ZBTB34: variants seen among roughly 807,000 people sequenced by gnomAD.
ZBTB34 encodes zinc finger and BTB domain containing 34.
In ZBTB34, 1 loss-of-function variant was observed where a neutral mutation model predicts 33.4. The observed-to-expected ratio is 0.03, with a 90% confidence interval of 0.01 to 0.14. The LOEUF (loss-of-function observed/expected upper bound fraction) is 0.14. Among genes scored for constraint, ZBTB34 ranks in the 10% least tolerant of loss-of-function variants. The pLI, the probability that ZBTB34 is intolerant of heterozygous loss-of-function variation, is 1.00. For missense variants in ZBTB34, 406 were observed against 657.2 expected (o/e 0.62, Z 4.18); for synonymous variants, 283 against 253.5 (o/e 1.12, Z -1.11).
At chr9:126,871,585 C>T (rs1222022235) in intron 1 of ZBTB34, among the ~76,000 whole-genome samples, 1 of 151,890 alleles carries the variant, frequency 6.6e-6, no homozygotes, top group Non-Finnish European at 1.5e-5. Flanking sequence ...CCACCTCGGC[C>T]TCCCAAAGTG....
At chr9:126,873,479 G>C (rs2033308416) in intron 1 of ZBTB34, among the ~76,000 whole-genome samples, 1 of 152,026 alleles carries the variant, frequency 6.6e-6, no homozygotes. Context: ...GGCCAGGCTG[G>C]TCTCGAACTC....
chr9:126,860,811 G>C (rs1479894878), intron 1 of ZBTB34, 72 bp downstream of exon 1: 1 of 147,456 alleles, frequency 6.8e-6, no homozygotes. Flanking sequence ...AGGCGGGGCG[G>C]GGGGCAGTCC....
intron 1 of ZBTB34, among the ~76,000 whole-genome samples, chr9:126,877,609 C>T (rs1004693402): frequency 2.6e-5 from 4 of 152,158 alleles, no homozygotes; most frequent in African/African-American, 7.2e-5. Flanking sequence ...GGAAGGAAAC[C>T]TGTTGTAGGT....
chr9:126,863,254 TAAAATCC>T (rs1434010160), intron 1 of ZBTB34, among the ~76,000 whole-genome samples: 4 of 152,212 alleles, frequency 2.6e-5, no homozygotes, highest in Non-Finnish European at 5.9e-5. Flanking sequence ...TGGAGGATAA[TAAAATCC>T]AATGAACTGT....
intron 1 of ZBTB34, among the ~76,000 whole-genome samples, chr9:126,878,726 G>GTTT (rs1316065576): frequency 7.5e-6 from 1 of 133,748 alleles, no homozygotes; most frequent in Admixed American, 7.5e-5. Context: ...TTTTTGTTTT[G>GTTT]TTTTTTTTTT....
In ZBTB34 at chr9:126,880,238, G is replaced by A. The variant is rs528442669; in HGVS notation, c.839G>A (p.Gly280Asp). The A allele has an allele frequency of 6.2e-7, 1 of 1,613,912 alleles. No individual in the cohort carries two copies. Among genetic ancestry groups the A allele is most frequent in the South Asian group, 1.1e-5 (1 of 91,078 alleles). The stretch of plus-strand genomic sequence containing the variant: ...GTGGCAGTGAATGTGGGCTCCTATG[G>A]TTCTGTGCTCCAGCACGCATACTCC... Residue 280 changes from glycine (G) to aspartate (D), a missense_variant, in exon 2 of 2, where the codon GGT (glycine) becomes GAT (aspartate). Coordinates refer to ENST00000319119, the Ensembl canonical transcript of ZBTB34. This position sits in a 1 kb window ranked among gnomAD's most constrained non-coding sequence, Gnocchi z 6.7.
At chr9:126,866,057 A>G (rs1486916170) in intron 1 of ZBTB34, among the ~76,000 whole-genome samples, 1 of 152,126 alleles carries the variant, frequency 6.6e-6, no homozygotes, top group African/African-American at 2.4e-5. Flanking sequence ...TACCCCCTTC[A>G]TCAGGTGCTG....
In ZBTB34 at chr9:126,879,934, A is replaced by G. The variant is rs2033411828; in HGVS notation, c.535A>G (p.Thr179Ala). 6.2e-7 allele frequency: 1 copy of G among 1,613,154 alleles called. No homozygotes were observed. The highest frequency in any genetic ancestry group is 8.5e-7 in the Non-Finnish European group (1 of 1,179,886). Residue 179 changes from threonine to alanine, a missense_variant, in exon 2 of 2, where the codon ACC becomes GCC. By Grantham distance (58) the Thr-to-Ala change is moderately conservative. This residue lies in a region of ZBTB34 where 137 missense variants were observed against 173.0 expected (regional missense o/e 0.79). Transcript: ENST00000319119. This position sits in a 1 kb window ranked among gnomAD's most constrained non-coding sequence, Gnocchi z 6.4. Reference sequence around the variant, plus strand: ...ATATTGCTCTCAGGGACGGCAGCCCACCGCAAGCAGTGACCTCCGGATGGA... The same window carrying G: ...ATATTGCTCTCAGGGACGGCAGCCCGCCGCAAGCAGTGACCTCCGGATGGA...
At chr9:126,881,134 C>CA (rs143680464) in exon 2 of ZBTB34, 97 of 552,094 alleles carry the variant, frequency 1.8e-4, no homozygotes, top group African/African-American at 1.6e-3. Flanking sequence ...CCAGGGAAAA[C>CA]ACAGGCTGAC....
At chr9:126,884,885 C>T (rs938024697) in exon 2 of ZBTB34, 1 of 167,036 alleles carries the variant, frequency 6.0e-6, no homozygotes, top group Non-Finnish European at 1.5e-5. Flanking sequence ...TCCTGTGAAG[C>T]CTCCACTGAA....
At chr9:126,876,602 A>G (rs1332669544) in intron 1 of ZBTB34, among the ~76,000 whole-genome samples, 1 of 152,120 alleles carries the variant, frequency 6.6e-6, no homozygotes, top group East Asian at 1.9e-4. Flanking sequence ...ATTTATTTAG[A>G]TGAAGTAGAC....
exon 2 of ZBTB34, chr9:126,883,062 C>T (rs967898822): frequency 6.0e-6 from 1 of 166,972 alleles, no homozygotes; most frequent in African/African-American, 2.4e-5. Context: ...CCCTGAAGCA[C>T]TTGTTCAACT....
At position 126,880,954 on chromosome 9, in the gene ZBTB34, A is replaced by G. The variant is rs765012557; in HGVS notation, c.*40A>G. On this transcript the variant is annotated 3_prime_UTR_variant, in exon 2 of 2. Transcript: ENST00000319119. The surrounding 1 kb of genome is among the most constrained non-coding windows in gnomAD (Gnocchi z 6.7). ...GCACCCAAACAAAGCACATTAATCAATGCATATTTGTGATTTGCTTTGTTG... is the reference window on the plus strand; with the variant it reads ...GCACCCAAACAAAGCACATTAATCAGTGCATATTTGTGATTTGCTTTGTTG... 40 of 1,548,142 alleles carry G rather than the reference A, an allele frequency of 2.6e-5. No individual in the cohort carries two copies. Among genetic ancestry groups the G allele is most frequent in the Non-Finnish European group, 3.1e-5 (35 of 1,143,784 alleles).
chr9:126,885,238 T>TCACAGAGAA (rs1318505438), exon 2 of ZBTB34: 1 of 167,086 alleles, frequency 6.0e-6, no homozygotes, highest in African/African-American at 2.4e-5. Context: ...CTGGTTTCCT[T>TCACAGAGAA]CCTGAGTCTG....
intron 1 of ZBTB34, among the ~76,000 whole-genome samples, chr9:126,872,030 T>C (rs543519954): frequency 2.6e-5 from 4 of 151,892 alleles, no homozygotes; most frequent in Non-Finnish European, 5.9e-5. Flanking sequence ...CTCGGCTCAC[T>C]GCAACTTCCG....
chr9:126,862,947 T>C (rs7030157), intron 1 of ZBTB34, among the ~76,000 whole-genome samples: 52,229 of 151,118 alleles, frequency 0.35, 10,432 homozygotes, highest in African/African-American at 0.53. Flanking sequence ...TCTGTTTTTA[T>C]CAGCTTTCTG....
exon 2 of ZBTB34, chr9:126,881,500 A>G (rs1194786782): frequency 6.0e-6 from 1 of 166,858 alleles, no homozygotes; most frequent in Non-Finnish European, 1.5e-5. Context: ...AGTCTATCTC[A>G]TCCCTACCTA....
intron 1 of ZBTB34, among the ~76,000 whole-genome samples, chr9:126,874,485 CTT>C (rs2033328676): frequency 6.6e-6 from 1 of 152,078 alleles, no homozygotes; most frequent in African/African-American, 2.4e-5. Flanking sequence ...GTTCTGGTAT[CTT>C]TGTGTGCTTA....
chr9:126,872,569 G>A (rs2033294964), intron 1 of ZBTB34, among the ~76,000 whole-genome samples: 1 of 152,182 alleles, frequency 6.6e-6, no homozygotes, highest in Admixed American at 6.5e-5. Context: ...AACTTGAATT[G>A]TGCCTACGTA....
Sources: allele counts gnomAD v4.1 joint callset (sites outside exome capture counted in the v4.1 genomes callset), GRCh38; gene constraint gnomAD v4.1.1; regional missense constraint gnomAD v4.1.1; non-coding constraint Gnocchi (gnomAD v3.1); transcripts MANE v1.5; gene names NCBI Gene and HGNC (gene_info 2026-07-23, HGNC 2026-07-21).